DSE: variants seen among roughly 807,000 people sequenced by gnomAD.
The protein encoded by DSE is dermatan sulfate epimerase.
In DSE, 36 loss-of-function variants were observed where a neutral mutation model predicts 84.4. The ratio of observed to expected loss-of-function variants is 0.43; its 90% confidence interval spans 0.33 to 0.56. The LOEUF (loss-of-function observed/expected upper bound fraction) is 0.56. Ranked by LOEUF, DSE falls within the 20% of genes least tolerant of loss-of-function variation. DSE has a pLI of 0.06. For synonymous variants in DSE, 410 were observed against 430.1 expected (o/e 0.95, Z 0.58); for missense variants, 862 against 1,169.6 (o/e 0.74, Z 3.84).
chr6:116,343,688 C>T (rs1777764761), intron 2 of DSE, among the ~76,000 whole-genome samples: 1 of 152,174 alleles, frequency 6.6e-6, no homozygotes, highest in African/African-American at 2.4e-5. Flanking sequence ...GAAACCAGAG[C>T]AGAAAAGCTG....
chr6:116,426,169 G>T (rs975462281), intron 2 of DSE, among the ~76,000 whole-genome samples: 3 of 152,190 alleles, frequency 2.0e-5, no homozygotes, highest in Admixed American at 2.0e-4. Context: ...CAAGGTGGCC[G>T]TAAGAATAGA....
chr6:116,287,540 A>T (rs1439002815), intron 2 of DSE, among the ~76,000 whole-genome samples: 1 of 152,106 alleles, frequency 6.6e-6, no homozygotes, highest in Non-Finnish European at 1.5e-5. Flanking sequence ...AATTAGATGA[A>T]ATACCATAAT....
intron 2 of DSE, among the ~76,000 whole-genome samples, chr6:116,271,589 T>TAA (rs1402980741): frequency 3.3e-5 from 5 of 152,184 alleles, no homozygotes. Flanking sequence ...CCTCAGTTTG[T>TAA]AAACTAAGAG....
intron 2 of DSE, among the ~76,000 whole-genome samples, chr6:116,425,746 C>T (rs1255660315): frequency 6.6e-6 from 1 of 151,106 alleles, no homozygotes; most frequent in Non-Finnish European, 1.5e-5. Context: ...CCTCAGCCTC[C>T]CAAGTAGCTG....
chr6:116,399,145 G>A (rs1781429771), intron 1 of DSE, 53 bp from the exon 2 acceptor site: 1 of 1,461,552 alleles, frequency 6.8e-7, no homozygotes, highest in Non-Finnish European at 9.4e-7. Context: ...TTCCACACCT[G>A]TGCCATGTTC....
rs534589725 is a variant in DSE, at chr6:116,342,790, G to A, written c.-53-56408G>A. Among the ~76,000 whole-genome samples, 25 of 152,312 alleles carry A rather than the reference G, an allele frequency of 1.6e-4. No homozygotes were observed. In the South Asian group the frequency reaches 4.8e-3, roughly 29 times the overall value. The stretch of plus-strand genomic sequence containing the variant: ...CCTGCATTTCCAACTGAGGTAGCAG[G>A]TTCATCTCACTGGGGCTTGTTGGAC... On this transcript the variant is annotated intron_variant, in intron 2 of 3. Coordinates refer to the DSE transcript ENST00000430252.
At chr6:116,375,298 A>G (rs1779856508) in intron 1 of DSE, among the ~76,000 whole-genome samples, 2 of 150,486 alleles carry the variant, frequency 1.3e-5, no homozygotes, top group African/African-American at 2.4e-5. Context: ...CCATTCTAAT[A>G]GGAAATATGC....
chr6:116,343,442 A>T (rs982236700), intron 2 of DSE, among the ~76,000 whole-genome samples: 1 of 152,324 alleles, frequency 6.6e-6, no homozygotes, highest in East Asian at 1.9e-4. Context: ...CCTCTGCGAC[A>T]AAGCTTCCAG....
rs149043767 is a variant in DSE at position 116,261,219 on chromosome 6, C to CTTTA, written c.-54+2272_-54+2275dup. 2.5e-3 allele frequency among the ~76,000 whole-genome samples: 378 copies of CTTTA among 151,474 alleles called. 1 individual carries two copies. The highest frequency in any genetic ancestry group is 8.2e-3 in the African/African-American group (338 of 41,134). On this transcript the variant is annotated intron_variant, in intron 2 of 3. Transcript: ENST00000430252. The stretch of plus-strand genomic sequence containing the variant: ...CTGTGGTTAGGTGTATTCCTAGGTA[C>CTTTA]TTTATTTATTTATTTATTTATTTGT...
intron 2 of DSE, among the ~76,000 whole-genome samples, chr6:116,298,218 T>TC (rs1774785277): frequency 1.3e-5 from 2 of 152,048 alleles, no homozygotes; most frequent in South Asian, 4.2e-4. Flanking sequence ...AATAATGCCC[T>TC]CCCCCCAGGA....
Position 116,398,966 on chromosome 6 carries a change from T to A in DSE, c.-53-232T>A, listed in dbSNP as rs1557547. Among the ~76,000 whole-genome samples the A allele has an allele frequency of 0.71, 107,617 of 152,112 alleles. 38,457 individuals carry two copies. The highest frequency in any genetic ancestry group is 0.77 in the Admixed American group (11,770 of 15,282). ...TGAACAAATATTATACATTTTCCCT[T>A]AGTCCAAAATTCTGTTTTCCATAAT... On this transcript the variant is annotated intron_variant, in intron 1 of 5. Transcript: ENST00000644252.
At chr6:116,348,445 CAAAA>C (rs970452347) in intron 2 of DSE, among the ~76,000 whole-genome samples, 1 of 136,896 alleles carries the variant, frequency 7.3e-6, no homozygotes, top group Non-Finnish European at 1.6e-5. Context: ...CAAAAAAAAA[CAAAA>C]AAAAAACCCC....
At chr6:116,315,423 A>G (rs1475794367) in intron 2 of DSE, among the ~76,000 whole-genome samples, 1 of 151,942 alleles carries the variant, frequency 6.6e-6, no homozygotes, top group Non-Finnish European at 1.5e-5. Flanking sequence ...TAAGGGCAGG[A>G]ATTTCCATTT....
intron 1 of DSE, among the ~76,000 whole-genome samples, chr6:116,383,817 C>A (rs996943976): frequency 1.1e-4 from 16 of 152,144 alleles, no homozygotes; most frequent in Non-Finnish European, 2.2e-4. Context: ...AGAAATTATT[C>A]TCTTGTTCTA....
At chr6:116,286,809 A>G (rs1217614341) in intron 2 of DSE, among the ~76,000 whole-genome samples, 1 of 152,148 alleles carries the variant, frequency 6.6e-6, no homozygotes, top group African/African-American at 2.4e-5. Flanking sequence ...GTTTTCTGAA[A>G]TGGTGACCCA....
Position 116,343,216 on chromosome 6 carries a change from G to A in DSE, c.-53-55982G>A, listed in dbSNP as rs149383267. On this transcript the variant is annotated intron_variant, in intron 2 of 3. Transcript: ENST00000430252. The stretch of plus-strand genomic sequence containing the variant: ...CTGCCTCTGTAGACTCCACCTCTGT[G>A]GGCAGGGCATAGCTGAACAAAAGGC... 5.7e-3 allele frequency among the ~76,000 whole-genome samples: 862 copies of A among 152,326 alleles called. 6 individuals are homozygous for A. The highest frequency in any genetic ancestry group is 9.0e-3 in the Non-Finnish European group (614 of 68,026).
At chr6:116,411,697 A>C (rs761565666) in intron 2 of DSE, among the ~76,000 whole-genome samples, 2 of 152,234 alleles carry the variant, frequency 1.3e-5, no homozygotes, top group African/African-American at 2.4e-5. Context: ...CCCATTCTAA[A>C]TCATAATTTC....
At chr6:116,370,514 G>A (rs1779466786), upstream of DSE, 1 of 985,610 alleles carries the variant, frequency 1.0e-6, no homozygotes, top group African/African-American at 1.7e-5. Context: ...GAGTCTTAAC[G>A]TCTTCCTCGC....
At chr6:116,349,045 C>T (rs1778164243) in intron 2 of DSE, among the ~76,000 whole-genome samples, 2 of 152,064 alleles carry the variant, frequency 1.3e-5, no homozygotes, top group African/African-American at 2.4e-5. Context: ...TGCAGCAAAC[C>T]AACATGGCAC....
Sources: allele counts gnomAD v4.1 joint callset (sites outside exome capture counted in the v4.1 genomes callset), GRCh38; gene constraint gnomAD v4.1.1; transcripts MANE v1.5; gene names NCBI Gene and HGNC (gene_info 2026-07-23, HGNC 2026-07-21).